Variants in MYLK observed in about 807,000 individuals in gnomAD.
MYLK encodes the protein myosin light chain kinase, also known as myosin light chain kinase, smooth muscle.
Under a neutral mutation model 203.4 loss-of-function variants are expected in MYLK, and 106 were observed. The observed-to-expected ratio is 0.52, with a 90% CI of 0.45 to 0.61. The LOEUF (loss-of-function observed/expected upper bound fraction) is 0.61, where lower values mean the gene tolerates loss of function less well. Among genes scored for constraint, MYLK ranks in the 20% least tolerant of loss-of-function variants. MYLK has a pLI of 0.00. For synonymous variants in MYLK, 867 were observed against 959.5 expected (o/e 0.90, Z 1.78); for missense variants, 2,072 against 2,442.3 (o/e 0.85, Z 3.20).
chr3:123,641,742 C>G (rs2058840719), intron 27 of MYLK, among the ~76,000 whole-genome samples: 2 of 147,036 alleles, frequency 1.4e-5, no homozygotes, highest in African/African-American at 5.4e-5. Flanking sequence ...GCCTGCCTTC[C>G]TCCCTCCGTC....
In MYLK at chr3:123,629,253, TC is replaced by T. The variant is rs1394167268; in HGVS notation, c.5114+220del. Among the ~76,000 whole-genome samples, 1 of 152,128 alleles carries T rather than the reference TC, an allele frequency of 6.6e-6. No individual in the cohort carries two copies. The highest frequency in any genetic ancestry group is 1.5e-5 in the Non-Finnish European group (1 of 68,022). The stretch of plus-strand genomic sequence containing the variant: ...AGGTGTCTGAGCCTCTGAAGGTGAA[TC>T]CCATGTCTAGCTCCAGGGGGCAGGG... On this transcript the variant is annotated intron_variant, in intron 30 of 33. Transcript: ENST00000360304. The surrounding 1 kb of genome is among the most constrained non-coding windows in gnomAD (Gnocchi z 4.4).
chr3:123,627,704 A>G (rs2058215583), intron 30 of MYLK, among the ~76,000 whole-genome samples: 1 of 152,192 alleles, frequency 6.6e-6, no homozygotes, highest in South Asian at 2.1e-4. Flanking sequence ...TATTCTTCAA[A>G]TCCTCTATAA....
At chr3:123,747,261 G>C (rs1253057963) in intron 5 of MYLK, among the ~76,000 whole-genome samples, 1 of 152,094 alleles carries the variant, frequency 6.6e-6, no homozygotes, top group Admixed American at 6.6e-5. Flanking sequence ...TGTGACAGGG[G>C]GTCATTCTCC....
intron 29 of MYLK, 152 bp downstream of exon 29, chr3:123,637,919 T>G: frequency 8.9e-7 from 1 of 1,117,432 alleles, no homozygotes; most frequent in Non-Finnish European, 1.3e-6. Flanking sequence ...CTGCCAGGGA[T>G]AGGAGGGGAG....
chr3:123,882,351 T>C (rs555376042), intron 1 of MYLK, among the ~76,000 whole-genome samples: 3 of 152,196 alleles, frequency 2.0e-5, no homozygotes, highest in East Asian at 3.9e-4. Context: ...TAGGTCAAGG[T>C]TGCAGTGAGC....
chr3:123,811,427 G>A (rs2065557233), intron 3 of MYLK, among the ~76,000 whole-genome samples: 1 of 152,122 alleles, frequency 6.6e-6, no homozygotes, highest in Non-Finnish European at 1.5e-5. Flanking sequence ...TCCTATTGGA[G>A]AAAACAGATT....
At chr3:123,882,115 A>G (rs2033585036) in intron 1 of MYLK, among the ~76,000 whole-genome samples, 1 of 152,170 alleles carries the variant, frequency 6.6e-6, no homozygotes, top group Non-Finnish European at 1.5e-5. Context: ...GGGTGAGCAA[A>G]CCTCACACAA....
At chr3:123,617,125 A>G (rs2057545785) in intron 33 of MYLK, 1 of 152,198 alleles carries the variant, frequency 6.6e-6, no homozygotes. Context: ...CCTCAGTGCA[A>G]AAGTTTCAAT....
At chr3:123,779,905 T>G (rs1020681281) in intron 4 of MYLK, among the ~76,000 whole-genome samples, 1 of 152,178 alleles carries the variant, frequency 6.6e-6, no homozygotes, top group Admixed American at 6.5e-5. Flanking sequence ...GTGTGGGAAG[T>G]GCAGATTTAG....
chr3:123,673,576 G>A (rs1278956913), intron 20 of MYLK, among the ~76,000 whole-genome samples: 1 of 152,048 alleles, frequency 6.6e-6, no homozygotes, highest in Admixed American at 6.5e-5. Context: ...GCTCTCATGT[G>A]GCACCTGTGC....
chr3:123,666,403 A>T, intron 21 of MYLK, 57 bp from the exon 22 acceptor site: 1 of 1,611,858 alleles, frequency 6.2e-7, no homozygotes, highest in Non-Finnish European at 8.5e-7. Context: ...CATTCTGATC[A>T]CATTCGACGC....
chr3:123,779,952 C>T (rs1453453916), intron 4 of MYLK, among the ~76,000 whole-genome samples: 1 of 152,172 alleles, frequency 6.6e-6, no homozygotes, highest in Non-Finnish European at 1.5e-5. Context: ...CCTTTGAATA[C>T]AGGGACAGTG....
chr3:123,667,656 C>A (rs2059785160), intron 20 of MYLK, among the ~76,000 whole-genome samples: 2 of 151,834 alleles, frequency 1.3e-5, no homozygotes, highest in African/African-American at 4.8e-5. Context: ...TGAGAGATCA[C>A]TTTGCCCTTT....
At chr3:123,669,336 G>C (rs2059835688) in intron 20 of MYLK, among the ~76,000 whole-genome samples, 1 of 152,166 alleles carries the variant, frequency 6.6e-6, no homozygotes, top group Non-Finnish European at 1.5e-5. Context: ...CGACTAACCT[G>C]GGTACTGAGG....
At chr3:123,743,439 A>T (rs2062919841) in intron 5 of MYLK, among the ~76,000 whole-genome samples, 1 of 152,216 alleles carries the variant, frequency 6.6e-6, no homozygotes, top group African/African-American at 2.4e-5. Context: ...TAAAATTACT[A>T]ACAGGGTCTA....
intron 18 of MYLK, among the ~76,000 whole-genome samples, chr3:123,693,903 G>A (rs2060793343): frequency 6.6e-6 from 1 of 152,154 alleles, no homozygotes; most frequent in Non-Finnish European, 1.5e-5. Flanking sequence ...CACACAGGAG[G>A]ACAGAGCCAG....
At chr3:123,749,381 G>A (rs1258833801) in intron 5 of MYLK, among the ~76,000 whole-genome samples, 1 of 152,104 alleles carries the variant, frequency 6.6e-6, no homozygotes, top group Non-Finnish European at 1.5e-5. Context: ...CAGGTACCAC[G>A]TCTCTTCCTT....
intron 29 of MYLK, among the ~76,000 whole-genome samples, chr3:123,635,772 G>A (rs1172921875): frequency 2.0e-5 from 3 of 152,136 alleles, no homozygotes; most frequent in Non-Finnish European, 4.4e-5. Flanking sequence ...CAACAGAAAT[G>A]TACAAATATA....
chr3:123,687,570 C>CCCTT (rs1007256791), intron 19 of MYLK, among the ~76,000 whole-genome samples: 5 of 150,832 alleles, frequency 3.3e-5, no homozygotes, highest in African/African-American at 9.9e-5. Context: ...CAGCACCTGA[C>CCCTT]CCTTCCTTCC....
Sources: allele counts gnomAD v4.1 joint callset (sites outside exome capture counted in the v4.1 genomes callset), GRCh38; gene constraint gnomAD v4.1.1; non-coding constraint Gnocchi (gnomAD v3.1); transcripts MANE v1.5; gene names NCBI Gene and HGNC (gene_info 2026-07-23, HGNC 2026-07-21).